Variants in SLC10A7 observed in about 807,000 individuals in gnomAD.
The protein encoded by SLC10A7 is solute carrier family 10 member 7.
SLC10A7 carries 29 observed loss-of-function variants against 43.2 expected under a neutral mutation model. The observed-to-expected ratio is 0.67, with a 90% CI of 0.50 to 0.92. The LOEUF is 0.92. Among genes scored for constraint, SLC10A7 ranks in the 40% least tolerant of loss-of-function variants. The pLI is 0.00. For synonymous variants in SLC10A7, 152 were observed against 144.8 expected, an observed-to-expected ratio of 1.05 and a Z score of -0.35; for missense variants, 295 against 403.2, an observed-to-expected ratio of 0.73 and a Z score of 2.30.
At chr4:146,514,965 C>A in intron 2 of SLC10A7, 1 of 579,580 alleles carries the variant, frequency 1.7e-6, no homozygotes, top group Non-Finnish European at 3.1e-6. Context: ...TGCTTAGATA[C>A]CACGATAAAG....
At chr4:146,370,579 A>G (rs1457491524) in intron 5 of SLC10A7, among the ~76,000 whole-genome samples, 2 of 152,188 alleles carry the variant, frequency 1.3e-5, no homozygotes, top group African/African-American at 2.4e-5. Context: ...CTGTGTTCCT[A>G]CGCTAAACTT....
At chr4:146,473,088 T>C (rs1011079810) in intron 4 of SLC10A7, among the ~76,000 whole-genome samples, 2 of 152,196 alleles carry the variant, frequency 1.3e-5, no homozygotes, top group African/African-American at 4.8e-5. Flanking sequence ...AGGGTACTCC[T>C]ATACTAATGT....
chr4:146,423,046 A>G (rs1729069927), intron 5 of SLC10A7, among the ~76,000 whole-genome samples: 1 of 152,182 alleles, frequency 6.6e-6, no homozygotes, highest in South Asian at 2.1e-4. Flanking sequence ...TAATGATAAG[A>G]ACAATTGTGT....
At chr4:146,451,335 CA>C (rs986659333) in intron 4 of SLC10A7, among the ~76,000 whole-genome samples, 1 of 149,224 alleles carries the variant, frequency 6.7e-6, no homozygotes, top group African/African-American at 2.5e-5. Flanking sequence ...TCAAACTACC[CA>C]AAAAAAAACT....
intron 5 of SLC10A7, among the ~76,000 whole-genome samples, chr4:146,380,311 C>A (rs1462835310): frequency 6.6e-6 from 1 of 152,104 alleles, no homozygotes; most frequent in Non-Finnish European, 1.5e-5. Flanking sequence ...ATTAACCATG[C>A]ATTCACTAGT....
At chr4:146,417,467 C>T (rs1460260537) in intron 5 of SLC10A7, among the ~76,000 whole-genome samples, 1 of 152,142 alleles carries the variant, frequency 6.6e-6, no homozygotes, top group African/African-American at 2.4e-5. Flanking sequence ...GAGCAACTCT[C>T]ATCTCCAGGG....
At chr4:146,490,982 C>A (rs1273017803) in intron 4 of SLC10A7, among the ~76,000 whole-genome samples, 1 of 152,168 alleles carries the variant, frequency 6.6e-6, no homozygotes, top group Non-Finnish European at 1.5e-5. Flanking sequence ...ACAAAGAAAA[C>A]TCAAAGATTG....
intron 5 of SLC10A7, among the ~76,000 whole-genome samples, chr4:146,396,616 A>G (rs1170686722): frequency 6.6e-6 from 1 of 152,154 alleles, no homozygotes; most frequent in Non-Finnish European, 1.5e-5. Flanking sequence ...AAATAAAAAC[A>G]TATTAGGATA....
chr4:146,448,282 C>A (rs1187780755), intron 4 of SLC10A7, among the ~76,000 whole-genome samples: 3 of 151,528 alleles, frequency 2.0e-5, no homozygotes, highest in Non-Finnish European at 4.4e-5. Flanking sequence ...AAAAACAATT[C>A]TCTGATAAAA....
In SLC10A7 at chr4:146,279,937, G is replaced by A. The variant is rs577336102; in HGVS notation, c.847+3255C>T. On this transcript the variant is annotated intron_variant, in intron 10 of 11. Transcript: ENST00000335472. ...AATCAAATTCAGCATGTGTGTAGAT[G>A]CAAGTACAAGGAAGAGATCGAGATA... 2.0e-4 allele frequency among the ~76,000 whole-genome samples: 31 copies of A among 151,300 alleles called. 2 individuals carry two copies. The South Asian group carries it at 6.3e-3, about 31-fold the overall frequency.
intron 4 of SLC10A7, among the ~76,000 whole-genome samples, chr4:146,449,337 G>A (rs1731375712): frequency 6.6e-6 from 1 of 152,120 alleles, no homozygotes; most frequent in African/African-American, 2.4e-5. Context: ...CTGTGATGAG[G>A]CATGGGTCTG....
intron 5 of SLC10A7, chr4:146,442,571 T>A: frequency 7.2e-7 from 1 of 1,389,312 alleles, no homozygotes; most frequent in Non-Finnish European, 9.3e-7. Context: ...AAATGGAATT[T>A]TAAAACCCAA....
intron 5 of SLC10A7, among the ~76,000 whole-genome samples, chr4:146,407,968 C>T (rs983769923): frequency 6.6e-6 from 1 of 152,144 alleles, no homozygotes; most frequent in Non-Finnish European, 1.5e-5. Context: ...GGAAAAACGT[C>T]AGTCAGGAAG....
At chr4:146,501,644 C>T (rs1428293168) in intron 4 of SLC10A7, among the ~76,000 whole-genome samples, 2 of 152,214 alleles carry the variant, frequency 1.3e-5, no homozygotes, top group Non-Finnish European at 1.5e-5. Flanking sequence ...CACTGACCCA[C>T]ATGGGACATG....
chr4:146,484,925 A>G (rs1259747264), intron 4 of SLC10A7, among the ~76,000 whole-genome samples: 1 of 152,228 alleles, frequency 6.6e-6, no homozygotes, highest in Non-Finnish European at 1.5e-5. Context: ...ATATGACTTC[A>G]GTACTTAATA....
chr4:146,294,109 A>G lies in SLC10A7; in HGVS notation c.556-14T>C, dbSNP rs1450802235. ...TCTTCGGACAATCTGAAATACAGAG[A>G]TCAACAGGTTGCCTCTTTTCAGAGA... On this transcript the variant is annotated splice_polypyrimidine_tract_variant and intron_variant, in intron 7 of 11. Transcript: ENST00000335472. The G allele has an allele frequency of 1.3e-6, 2 of 1,551,056 alleles. No homozygotes were observed. Among genetic ancestry groups the G allele is most frequent in the Admixed American group, 3.5e-5 (2 of 56,960 alleles).
intron 5 of SLC10A7, among the ~76,000 whole-genome samples, chr4:146,410,643 C>G (rs1223036135): frequency 1.3e-5 from 2 of 152,102 alleles, no homozygotes; most frequent in Admixed American, 1.3e-4. Context: ...TAGCATTCAT[C>G]CAAGCATGGA....
chr4:146,425,529 C>T (rs549193669), intron 5 of SLC10A7, among the ~76,000 whole-genome samples: 3 of 152,204 alleles, frequency 2.0e-5, no homozygotes, highest in African/African-American at 7.2e-5. Context: ...CTTGTGGACA[C>T]CATATTGGTC....
intron 5 of SLC10A7, among the ~76,000 whole-genome samples, chr4:146,395,197 C>A (rs1247653963): frequency 6.6e-6 from 1 of 151,962 alleles, no homozygotes; most frequent in Non-Finnish European, 1.5e-5. Flanking sequence ...AGCAAGACCC[C>A]CAACTCTACA....
Sources: gnomAD v4.1 joint callset for allele counts (sites outside exome capture counted in the v4.1 genomes callset) on GRCh38, gnomAD v4.1.1 for gene constraint, MANE v1.5 for transcripts, NCBI Gene and HGNC (gene_info 2026-07-23, HGNC 2026-07-21) for gene names.